Variants in PLOD3 observed in about 807,000 individuals in gnomAD.
The protein encoded by PLOD3 is procollagen-lysine,2-oxoglutarate 5-dioxygenase 3, also known as multifunctional procollagen lysine hydroxylase and glycosyltransferase LH3.
Under a neutral mutation model 96.9 loss-of-function variants are expected in PLOD3, and 73 were observed. The observed-to-expected ratio is 0.75, with a 90% CI of 0.62 to 0.92. The LOEUF (loss-of-function observed/expected upper bound fraction) is 0.92, where lower values mean the gene tolerates loss of function less well. Among genes scored for constraint, PLOD3 ranks in the 40% least tolerant of loss-of-function variants. PLOD3 has a pLI of 0.00. For missense variants in PLOD3, 1,004 were observed against 1,004.3 expected, an observed-to-expected ratio of 1.00 and a Z score of 0.00; for synonymous variants, 454 against 413.7, an observed-to-expected ratio of 1.10 and a Z score of -1.18.
At position 101,206,221 on chromosome 7, in the gene PLOD3, G is replaced by T. The variant is rs186199884; in HGVS notation, c.*60C>A. 9.6e-6 allele frequency: 15 copies of T among 1,562,942 alleles called. No individual in the cohort carries two copies. In the South Asian group the frequency reaches 1.6e-4, roughly 16 times the overall value. On this transcript the variant is annotated 3_prime_UTR_variant, in exon 19 of 19. Transcript: ENST00000223127. ...AGACCCATCCCCCAACTCCCAGGAC[G>T]GGGGCCAGGCCCCCTAAAAAGGCAC...
In PLOD3 at chr7:101,206,326, C is replaced by G. The variant is rs147711395; in HGVS notation, c.2172G>C (p.Thr724=). The change falls in exon 19 of 19, where the codon ACG becomes ACC. Residue 724 remains threonine, a synonymous_variant. Transcript: ENST00000223127. ...RLTHYHEGLP[T]TWGTRYIMVS... is the part of the protein sequence containing the mutation. ...CCATGATGTAGCGTGTGCCCCAGGT[C>G]GTTGGCAGCCCCTCGTGGTAGTGGG... 163 of 1,614,000 alleles carry G rather than the reference C, an allele frequency of 1.0e-4. 1 individual carries two copies. The African/African-American group carries it at 1.9e-3, about 19-fold the overall frequency.
chr7:101,208,978 A>T (rs2116797536), intron 15 of PLOD3, 21 bp from the exon 16 acceptor site: 1 of 1,551,222 alleles, frequency 6.4e-7, no homozygotes, highest in Middle Eastern at 1.7e-4. Context: ...GGCGAGGGAG[A>T]ACAGGGCTAG....
In PLOD3 at chr7:101,206,085, G is replaced by A. The variant is rs1283048919; in HGVS notation, c.*196C>T. ...GTGCCCACGAACCCCTGTGGGCGGA[G>A]GAGAGAGGCGGGGACTCCGGGAGCT... On this transcript the variant is annotated 3_prime_UTR_variant, in exon 19 of 19. Coordinates refer to ENST00000223127, the MANE Select transcript of PLOD3 (RefSeq NM_001084.5). The A allele has an allele frequency of 5.9e-6, 4 of 679,152 alleles. No homozygotes were observed. Among genetic ancestry groups the A allele is most frequent in the Middle Eastern group, 4.0e-4 (1 of 2,520 alleles). The allele number at this position is 679,152 out of a possible 1,614,324, so 42.1% of individuals were successfully genotyped here.
Position 101,206,439 on chromosome 7 carries a change from G to A in PLOD3, c.2062-3C>T. On this transcript the variant is annotated splice_region_variant and splice_polypyrimidine_tract_variant and intron_variant, in intron 18 of 18. Coordinates refer to ENST00000223127, the MANE Select transcript of PLOD3 (RefSeq NM_001084.5). ...CGCAGGAAGCGGCAGCCACCTCCCT[G>A]GAAAGAGAAGGGAAAGGAAACATGG... 6.3e-7 allele frequency: 1 copy of A among 1,593,558 alleles called. No homozygotes were observed. Among genetic ancestry groups the A allele is most frequent in the East Asian group, 2.3e-5 (1 of 43,836 alleles).
At chr7:101,212,473 T>G in intron 9 of PLOD3, 57 bp downstream of exon 9, 1 of 1,594,790 alleles carries the variant, frequency 6.3e-7, no homozygotes, top group Non-Finnish European at 8.6e-7. Context: ...GGCACGAGAG[T>G]TCTGATCAGG....
Position 101,217,366 on chromosome 7 carries a change from C to A in PLOD3, c.-92G>T, listed in dbSNP as rs780226435. The A allele has an allele frequency of 4.7e-5, 60 of 1,265,518 alleles. 1 individual carries two copies. The highest frequency in any genetic ancestry group is 5.2e-5 in the Non-Finnish European group (51 of 987,236). 78.4% of individuals were successfully genotyped at this position (1,265,518 alleles called of 1,614,324 possible). ...CCGGAGGGGAGCTCTGGAAAGGGGG[C>A]GCTCGGGCTGCTGTGCGGCCGCCGC... On this transcript the variant is annotated 5_prime_UTR_variant, in exon 1 of 19. Coordinates refer to ENST00000223127, the MANE Select transcript of PLOD3 (RefSeq NM_001084.5).
At position 101,216,517 on chromosome 7, in the gene PLOD3, C is replaced by G. The variant is rs1798277722; in HGVS notation, c.231G>C (p.Gly77=). The change falls in exon 3 of 19, where the codon GGG becomes GGC. Residue 77 remains glycine, a synonymous_variant. Coordinates refer to ENST00000223127, the MANE Select transcript of PLOD3 (RefSeq NM_001084.5). ...RTLGLGEEWR[G]GDVARTVGGG... The stretch of plus-strand genomic sequence containing the variant: ...CACCAACTGTTCGAGCCACATCACC[C>G]CCTCGCCACTCCTCTCCCAGGCCCA... 6.2e-7 allele frequency: 1 copy of G among 1,614,174 alleles called. No homozygotes were observed. Among genetic ancestry groups the G allele is most frequent in the Non-Finnish European group, 8.5e-7 (1 of 1,180,034 alleles).
rs756035407 is a variant in PLOD3, at chr7:101,207,624, T to G, written c.1889A>C (p.Tyr630Ser). The G allele has an allele frequency of 1.9e-6, 3 of 1,613,972 alleles. No individual in the cohort carries two copies. The South Asian group carries it at 3.3e-5, about 18-fold the overall frequency. ...CAGGCTCTCGGTCATGGGGCCCACATACGTCCGCAGCAGCTGCAGCCACTG... is the reference window on the plus strand; with the variant it reads ...CAGGCTCTCGGTCATGGGGCCCACAGACGTCCGCAGCAGCTGCAGCCACTG... ...EDQWLQLLRT[Y>S]VGPMTESLFP... Residue 630 changes from tyrosine to serine, a missense_variant, in exon 17 of 19, where the codon TAT becomes TCT. Tyr to Ser is a moderately radical substitution (Grantham distance 144, BLOSUM62 -2). Transcript: ENST00000223127.
At chr7:101,213,844 G>A (rs1475812125) in intron 6 of PLOD3, among the ~76,000 whole-genome samples, 3 of 151,688 alleles carry the variant, frequency 2.0e-5, no homozygotes, top group Non-Finnish European at 2.9e-5. Context: ...GATTACAGGC[G>A]CGCACCACCA....
At chr7:101,211,005 C>G in intron 12 of PLOD3, 1 of 328,696 alleles carries the variant, frequency 3.0e-6, no homozygotes, top group Admixed American at 4.5e-5. Flanking sequence ...CTTAGCCTCC[C>G]AAATAGCTGG....
intron 12 of PLOD3, 41 bp downstream of exon 12, chr7:101,211,550 G>A (rs781718972): frequency 9.5e-6 from 15 of 1,579,402 alleles, no homozygotes; most frequent in East Asian, 4.6e-5. Context: ...CCTGGGCCCC[G>A]GGTCGGAGGA....
rs1584257450 is a variant in PLOD3 at position 101,217,517 on chromosome 7, G to A, written c.-243C>T. On this transcript the variant is annotated 5_prime_UTR_variant, in exon 1 of 19. Transcript: ENST00000223127. ...CGGGCGCACGGGAGGCGGGGGAGGG[G>A]CGGCGGCTCGGGCCGGCGGGCGGGA... 4.1e-5 allele frequency: 20 copies of A among 488,064 alleles called. No homozygotes were observed. The East Asian group carries it at 7.1e-4, about 17-fold the overall frequency. The allele number at this position is 488,064 out of a possible 1,614,324, so 30.2% of individuals were successfully genotyped here. A position where few individuals can be genotyped will look rare whatever the true frequency, so the allele number is the denominator to read the frequency against.
intron 1 of PLOD3, 165 bp from the exon 2 acceptor site, chr7:101,216,951 G>A (rs1798287342): frequency 1.3e-6 from 1 of 744,426 alleles, no homozygotes; most frequent in Non-Finnish European, 2.3e-6. Context: ...GGTGGGAGTG[G>A]TGCCCAGGAA....
In PLOD3 at chr7:101,211,623, C is replaced by A. The variant is rs935807855; in HGVS notation, c.1326G>T (p.Glu442Asp). ...LSPDEYYARSEDYVELVQRKR... is the reference protein window; with the variant it reads ...LSPDEYYARSDDYVELVQRKR... ...TCCGCTGCACCAGCTCCACGTAGTC[C>A]TCGGAGCGGGCGTAGTACTCATCGG... Residue 442 changes from glutamate to aspartate, a missense_variant, in exon 12 of 19, where the codon GAG becomes GAT. Glu to Asp is a conservative substitution (Grantham distance 45, BLOSUM62 2). This residue lies in a region of PLOD3 where 690 missense variants were observed against 650.2 expected (regional missense o/e 1.06). Coordinates refer to ENST00000223127, the MANE Select transcript of PLOD3 (RefSeq NM_001084.5). The A allele has an allele frequency of 6.2e-7, 1 of 1,606,142 alleles. No homozygotes were observed. Among genetic ancestry groups the A allele is most frequent in the Non-Finnish European group, 8.5e-7 (1 of 1,177,140 alleles).
Position 101,213,503 on chromosome 7 carries a change from CTTGT to C in PLOD3, c.680-303_680-300del, listed in dbSNP as rs1194614302. The C allele has an allele frequency of 7.4e-5, 29 of 393,748 alleles. 1 individual carries two copies. Among genetic ancestry groups the C allele is most frequent in the Admixed American group, 6.0e-4 (15 of 24,886 alleles). The allele number at this position is 393,748 out of a possible 1,614,324, so 24.4% of individuals were successfully genotyped here. A position where few individuals can be genotyped will look rare whatever the true frequency, so the allele number is the denominator to read the frequency against. ...TACCCCTCCTCATATTCTCTCTCTC[CTTGT>C]TTTTTTTTTTTTTTATTTTTATTTT... On this transcript the variant is annotated intron_variant, in intron 6 of 18. Transcript: ENST00000223127.
At chr7:101,207,314 A>AGGGAG (rs1209882747) in intron 17 of PLOD3, among the ~76,000 whole-genome samples, 1 of 151,326 alleles carries the variant, frequency 6.6e-6, no homozygotes, top group Non-Finnish European at 1.5e-5. Flanking sequence ...GTCCCTGTCC[A>AGGGAG]GGGAGGGGAG....
chr7:101,207,879 C>T (rs556943076), intron 16 of PLOD3, among the ~76,000 whole-genome samples, 155 bp from the exon 17 acceptor site: 1 of 152,300 alleles, frequency 6.6e-6, no homozygotes, highest in East Asian at 1.9e-4. Context: ...TGACTCACTG[C>T]TCCCGGCCCT....
At position 101,217,271 on chromosome 7, in the gene PLOD3, T is replaced by C; in HGVS notation, c.4A>G (p.Thr2Ala). The change falls in exon 1 of 19, where the codon ACC becomes GCC. Residue 2 changes from threonine to alanine, a missense_variant. This residue lies in a region of PLOD3 where 690 missense variants were observed against 650.2 expected (regional missense o/e 1.06). Coordinates refer to ENST00000223127, the MANE Select transcript of PLOD3 (RefSeq NM_001084.5). ...AACCGGGGTCCAGGCCCCGAGGAGGTCATGGTGGGGAGCGGGCCCAGACAG... is the reference window on the plus strand; with the variant it reads ...AACCGGGGTCCAGGCCCCGAGGAGGCCATGGTGGGGAGCGGGCCCAGACAG... M[T>A]SSGPGPRFLL... is the part of the protein sequence containing the mutation. 6.8e-7 allele frequency: 1 copy of C among 1,473,734 alleles called. No individual in the cohort carries two copies. The highest frequency in any genetic ancestry group is 9.0e-7 in the Non-Finnish European group (1 of 1,112,438). 91.3% of individuals were successfully genotyped at this position (1,473,734 alleles called of 1,614,324 possible). A position where few individuals can be genotyped will look rare whatever the true frequency, so the allele number is the denominator to read the frequency against.
intron 6 of PLOD3, chr7:101,213,406 T>A (rs866194474): frequency 1.6e-6 from 1 of 630,698 alleles, no homozygotes; most frequent in South Asian, 1.8e-5. Context: ...ACTACCTGCG[T>A]GATCACACCG....
Sources: allele counts gnomAD v4.1 joint callset (sites outside exome capture counted in the v4.1 genomes callset), GRCh38; gene constraint gnomAD v4.1.1; regional missense constraint gnomAD v4.1.1; transcripts MANE v1.5; gene names NCBI Gene and HGNC (gene_info 2026-07-23, HGNC 2026-07-21).